Variants in GNAQ observed in about 807,000 individuals in gnomAD.
The protein encoded by GNAQ is guanine nucleotide-binding protein G(q) subunit alpha.
Under a neutral mutation model 43.9 loss-of-function variants are expected in GNAQ, and 8 were observed. The observed-to-expected ratio is 0.18, with a 90% CI of 0.11 to 0.33. GNAQ has a LOEUF of 0.33. Among genes scored for constraint, GNAQ ranks in the 10% least tolerant of loss-of-function variants. The probability of loss-of-function intolerance (pLI) is 1.00; values close to 1 mark genes in which losing one functional copy is unlikely to be tolerated. For missense variants in GNAQ, 158 were observed against 450.8 expected (o/e 0.35, Z 5.88); for synonymous variants, 155 against 170.7 (o/e 0.91, Z 0.71).
intron 1 of GNAQ, among the ~76,000 whole-genome samples, chr9:78,019,119 C>G (rs2118599065): frequency 6.6e-6 from 1 of 152,270 alleles, no homozygotes. Flanking sequence ...CCTGTAATTT[C>G]CTCCATTAAA....
chr9:77,767,201 G>A (rs1826150710), intron 5 of GNAQ, among the ~76,000 whole-genome samples: 1 of 152,072 alleles, frequency 6.6e-6, no homozygotes, highest in Non-Finnish European at 1.5e-5. Flanking sequence ...CCCAAAGCAG[G>A]GTTTTTCAAC....
chr9:77,972,387 A>C (rs918145013), intron 1 of GNAQ, among the ~76,000 whole-genome samples: 4 of 151,896 alleles, frequency 2.6e-5, no homozygotes, highest in African/African-American at 7.3e-5. Flanking sequence ...AGAGAATAAA[A>C]TTAAAATATA....
chr9:77,985,380 G>C lies in GNAQ; in HGVS notation c.136+45720C>G, dbSNP rs140441004. On this transcript the variant is annotated intron_variant, in intron 1 of 6. Coordinates refer to ENST00000286548, the MANE Select transcript of GNAQ (RefSeq NM_002072.5). ...TTTGTTTTGGTTTTCCTTTTACAGA[G>C]ATCCACATCACATCATATAATGGAG... Among the ~76,000 whole-genome samples the C allele has an allele frequency of 7.0e-3, 1,063 of 152,212 alleles. 19 individuals are homozygous for C. Among genetic ancestry groups the C allele is most frequent in the African/African-American group, 0.024 (988 of 41,528 alleles).
intron 2 of GNAQ, among the ~76,000 whole-genome samples, chr9:77,896,334 T>A (rs929044932): frequency 6.6e-6 from 1 of 152,170 alleles, no homozygotes; most frequent in East Asian, 1.9e-4. Context: ...TTTGGAGAAT[T>A]ATAAAATAAA....
At chr9:77,797,489 G>A (rs1308440014) in intron 4 of GNAQ, 31 bp downstream of exon 4, 1 of 1,579,342 alleles carries the variant, frequency 6.3e-7, no homozygotes, top group South Asian at 1.1e-5. Context: ...CATAAAAGCT[G>A]GGAAATAGGT....
chr9:77,801,351 T>C (rs1826740343), intron 3 of GNAQ, among the ~76,000 whole-genome samples: 2 of 152,182 alleles, frequency 1.3e-5, no homozygotes, highest in African/African-American at 4.8e-5. Flanking sequence ...AGAATACTTT[T>C]TCCTCTTCAT....
chr9:77,973,849 T>C (rs1823268490), intron 1 of GNAQ, among the ~76,000 whole-genome samples: 1 of 151,806 alleles, frequency 6.6e-6, no homozygotes, highest in Non-Finnish European at 1.5e-5. Context: ...TGGGTCTTCA[T>C]GTTCAATCTT....
At chr9:77,903,630 A>G (rs547125299) in intron 2 of GNAQ, among the ~76,000 whole-genome samples, 6 of 152,164 alleles carry the variant, frequency 3.9e-5, no homozygotes, top group Non-Finnish European at 5.9e-5. Context: ...TCCTGTGGGA[A>G]GCTGAGAGTA....
intron 1 of GNAQ, among the ~76,000 whole-genome samples, chr9:77,952,729 T>C (rs1289726886): frequency 6.6e-6 from 1 of 152,220 alleles, no homozygotes; most frequent in African/African-American, 2.4e-5. Flanking sequence ...GTCAGTTGAC[T>C]ACTAAACCCA....
At chr9:77,725,595 A>G (rs1189062135) in intron 6 of GNAQ, among the ~76,000 whole-genome samples, 1 of 151,428 alleles carries the variant, frequency 6.6e-6, no homozygotes, top group East Asian at 1.9e-4. Flanking sequence ...AAAAAAAAAA[A>G]AAAAAAAAAA....
At chr9:77,818,100 TATATTTGTCTCTGCTATAA>T (rs1194204874) in intron 2 of GNAQ, among the ~76,000 whole-genome samples, 1 of 152,202 alleles carries the variant, frequency 6.6e-6, no homozygotes, top group East Asian at 1.9e-4. Flanking sequence ...CAGTGTAAGT[TATATTTGTCTCTGCTATAA>T]ACCCGTTACT....
At chr9:77,940,996 A>G (rs996547145) in intron 1 of GNAQ, among the ~76,000 whole-genome samples, 2 of 152,200 alleles carry the variant, frequency 1.3e-5, no homozygotes, top group Non-Finnish European at 2.9e-5. Context: ...CATTTTTTTA[A>G]ATCTCCCAAT....
Position 77,959,567 on chromosome 9 carries a change from G to A in GNAQ, c.137-37222C>T, listed in dbSNP as rs73457776. Among the ~76,000 whole-genome samples the A allele has an allele frequency of 3.9e-3, 595 of 152,200 alleles. 4 individuals carry two copies. Among genetic ancestry groups the A allele is most frequent in the African/African-American group, 0.014 (561 of 41,526 alleles). On this transcript the variant is annotated intron_variant, in intron 1 of 6. Coordinates refer to ENST00000286548, the MANE Select transcript of GNAQ (RefSeq NM_002072.5). Reference sequence around the variant, plus strand: ...CAAATTTCAATCTGCATGAAAGTATGTTTTTTGGGAAATAACAAGTCCGTT... The same window carrying A: ...CAAATTTCAATCTGCATGAAAGTATATTTTTTGGGAAATAACAAGTCCGTT...
At chr9:77,958,534 G>C (rs568071367) in intron 1 of GNAQ, among the ~76,000 whole-genome samples, 1 of 152,208 alleles carries the variant, frequency 6.6e-6, no homozygotes, top group South Asian at 2.1e-4. Flanking sequence ...AAAATTGACA[G>C]AATGTAAGAA....
intron 5 of GNAQ, among the ~76,000 whole-genome samples, chr9:77,765,248 G>C (rs1156461081): frequency 6.6e-6 from 1 of 152,130 alleles, no homozygotes; most frequent in Non-Finnish European, 1.5e-5. Flanking sequence ...ATCAACATAT[G>C]AGAATCTATC....
chr9:77,989,038 T>C (rs1171730330), intron 1 of GNAQ, among the ~76,000 whole-genome samples: 4 of 152,206 alleles, frequency 2.6e-5, no homozygotes, highest in Non-Finnish European at 4.4e-5. Flanking sequence ...GATAACTATT[T>C]TGTTTATTTT....
rs554428768 is a variant in GNAQ at position 77,816,889 on chromosome 9, C to T, written c.322-1119G>A. Among the ~76,000 whole-genome samples, 25 of 152,266 alleles carry T rather than the reference C, an allele frequency of 1.6e-4. No homozygotes were observed. The South Asian group carries it at 2.5e-3, about 15-fold the overall frequency. On this transcript the variant is annotated intron_variant, in intron 2 of 6. Transcript: ENST00000286548. ...CTTCCTTTCTCTTGTGTGAGAAGGG[C>T]CCCATGCCAATAGACTAATCTTGAC... is the stretch of plus-strand genomic sequence containing the variant.
At chr9:77,733,603 C>T (rs573838087) in intron 5 of GNAQ, among the ~76,000 whole-genome samples, 2 of 152,346 alleles carry the variant, frequency 1.3e-5, no homozygotes, top group South Asian at 4.1e-4. Flanking sequence ...GGACTTGCTC[C>T]TTCCTCCCAT....
chr9:77,876,567 T>C (rs1009862416), intron 2 of GNAQ, among the ~76,000 whole-genome samples: 10 of 152,234 alleles, frequency 6.6e-5, no homozygotes, highest in Admixed American at 6.5e-4. Context: ...CAAACATATC[T>C]CCTTTACAGG....
Sources: allele counts gnomAD v4.1 joint callset (sites outside exome capture counted in the v4.1 genomes callset), GRCh38; gene constraint gnomAD v4.1.1; transcripts MANE v1.5; gene names NCBI Gene and HGNC (gene_info 2026-07-23, HGNC 2026-07-21).